Variants in MARCO observed in about 807,000 individuals in gnomAD.
MARCO encodes the protein macrophage receptor MARCO.
A neutral mutation model predicts 70.0 loss-of-function variants in MARCO; 72 were observed. The ratio of observed to expected loss-of-function variants is 1.03; its 90% CI spans 0.85 to 1.25. The LOEUF (loss-of-function observed/expected upper bound fraction) is 1.25, where lower values mean the gene tolerates loss of function less well. Among genes scored for constraint, MARCO ranks in the 50% most tolerant of loss-of-function variants. The pLI is 0.00. For synonymous variants in MARCO, 273 were observed against 243.1 expected, an observed-to-expected ratio of 1.12 and a Z score of -1.14; for missense variants, 696 against 659.3, an observed-to-expected ratio of 1.06 and a Z score of -0.61.
chr2:118,966,104 C>T (rs1438895350), intron 1 of MARCO, among the ~76,000 whole-genome samples: 19 of 151,884 alleles, frequency 1.3e-4, no homozygotes, highest in Non-Finnish European at 1.5e-5. Flanking sequence ...CTGCCTGCTA[C>T]CCCAGGAGGT....
intron 8 of MARCO, among the ~76,000 whole-genome samples, chr2:118,980,764 G>C (rs1680373873): frequency 6.6e-6 from 1 of 152,130 alleles, no homozygotes; most frequent in East Asian, 1.9e-4. Flanking sequence ...GGTCCAGGCA[G>C]TCCACCCCTA....
At chr2:118,962,314 G>T (rs1679964450) in intron 1 of MARCO, among the ~76,000 whole-genome samples, 1 of 152,074 alleles carries the variant, frequency 6.6e-6, no homozygotes, top group Non-Finnish European at 1.5e-5. Context: ...TGGGCAGTAT[G>T]GTCATTTTCA....
chr2:118,969,329 A>C, intron 2 of MARCO, 68 bp downstream of exon 2: 2 of 1,228,360 alleles, frequency 1.6e-6, no homozygotes, highest in South Asian at 1.2e-5. Context: ...GGCCCCTCAG[A>C]TGAAGGGCTC....
In MARCO at chr2:118,977,530, C is replaced by T. The variant is rs372950289; in HGVS notation, c.658+15C>T. 1.9e-6 allele frequency: 3 copies of T among 1,612,764 alleles called. No individual in the cohort carries two copies. On this transcript the variant is annotated intron_variant, in intron 7 of 16. Transcript: ENST00000327097. ...AGGAGCCACTGGTAACTTGTACTTG[C>T]TCTGCTAGGGACAAATGATGCATAG...
intron 1 of MARCO, among the ~76,000 whole-genome samples, chr2:118,953,893 G>C (rs771162254): frequency 6.6e-6 from 1 of 152,170 alleles, no homozygotes; most frequent in Non-Finnish European, 1.5e-5. Context: ...CAGGGGTGGG[G>C]GAAGCAGCAG....
chr2:118,994,242 T>G lies in MARCO; in HGVS notation c.1430-145T>G. On this transcript the variant is annotated intron_variant, in intron 16 of 16. Coordinates refer to ENST00000327097, the MANE Select transcript of MARCO (RefSeq NM_006770.4). The stretch of plus-strand genomic sequence containing the variant: ...CAACAAAAACAGGCTAAGCCAGCCA[T>G]CAGCACATTGGGCCGGAATGGGCCA... The G allele has an allele frequency of 6.1e-6, 5 of 815,764 alleles. No homozygotes were observed. In the South Asian group the frequency reaches 7.8e-5, roughly 13 times the overall value. 50.5% of individuals were successfully genotyped at this position (815,764 alleles called of 1,614,324 possible). A position where few individuals can be genotyped will look rare whatever the true frequency, so the allele number is the denominator to read the frequency against.
At chr2:118,979,903 G>A (rs1033620419) in intron 8 of MARCO, among the ~76,000 whole-genome samples, 1 of 152,144 alleles carries the variant, frequency 6.6e-6, no homozygotes, top group Non-Finnish European at 1.5e-5. Context: ...AAAGTCCCAG[G>A]GGATAAGCCT....
At chr2:118,990,316 G>T (rs1386866089) in intron 12 of MARCO, among the ~76,000 whole-genome samples, 1 of 152,166 alleles carries the variant, frequency 6.6e-6, no homozygotes, top group African/African-American at 2.4e-5. Flanking sequence ...AGGTTACCGG[G>T]GGGCAGGGAA....
rs1338181386 is a variant in MARCO at position 118,961,858 on chromosome 2, C to T, written c.98-7302C>T. ...AGGGTTTTTATAGTTTTGGGTTTTA[C>T]ATTTAAGTCTTTAATCCATCTTGAG... On this transcript the variant is annotated intron_variant, in intron 1 of 16. Transcript: ENST00000327097. Among the ~76,000 whole-genome samples, 4 of 152,160 alleles carry T rather than the reference C, an allele frequency of 2.6e-5. No individual in the cohort carries two copies. In the East Asian group the frequency reaches 7.7e-4, roughly 29 times the overall value.
At chr2:118,951,970 T>C (rs1679730995) in intron 1 of MARCO, among the ~76,000 whole-genome samples, 1 of 152,078 alleles carries the variant, frequency 6.6e-6, no homozygotes, top group East Asian at 1.9e-4. Context: ...TCTCCCAGTT[T>C]CTCTCTCCTC....
intron 1 of MARCO, among the ~76,000 whole-genome samples, chr2:118,963,997 A>G (rs1292958164): frequency 6.6e-6 from 1 of 151,944 alleles, no homozygotes; most frequent in Non-Finnish European, 1.5e-5. Flanking sequence ...TGATTTATTT[A>G]TAGTGTTTTT....
At chr2:118,988,002 C>A (rs1441997108) in intron 12 of MARCO, among the ~76,000 whole-genome samples, 1 of 152,222 alleles carries the variant, frequency 6.6e-6, no homozygotes, top group Non-Finnish European at 1.5e-5. Context: ...ACAGCCCCAA[C>A]TTCCCCCATT....
At chr2:118,964,714 C>G (rs557639263) in intron 1 of MARCO, among the ~76,000 whole-genome samples, 3 of 151,826 alleles carry the variant, frequency 2.0e-5, no homozygotes, top group Admixed American at 2.0e-4. Context: ...ATAGTGAAAC[C>G]CTGTCTCTAC....
At chr2:118,970,527 G>A (rs1243790445) in intron 3 of MARCO, among the ~76,000 whole-genome samples, 189 bp downstream of exon 3, 1 of 152,178 alleles carries the variant, frequency 6.6e-6, no homozygotes, top group Non-Finnish European at 1.5e-5. Flanking sequence ...GTCTGGGAGG[G>A]AGGGTAAAAC....
rs201823074 is a variant in MARCO at position 118,986,536 on chromosome 2, A to AAGAG, written c.1064-4044_1064-4041dup. On this transcript the variant is annotated intron_variant, in intron 12 of 16. Coordinates refer to ENST00000327097, the MANE Select transcript of MARCO (RefSeq NM_006770.4). ...CCCTGTCAAAAAGAAGAAAGAAAGA[A>AAGAG]AGAGAGAGAGAGGAAGGAAGGAAGG... Among the ~76,000 whole-genome samples, 681 of 108,844 alleles carry AAGAG rather than the reference A, an allele frequency of 6.3e-3. 65 individuals carry two copies. The highest frequency in any genetic ancestry group is 0.04 in the African/African-American group (569 of 14,248). 71.4% of individuals were successfully genotyped at this position (108,844 alleles called of 152,430 possible).
intron 4 of MARCO, among the ~76,000 whole-genome samples, chr2:118,973,985 C>G (rs1680225484): frequency 6.6e-6 from 1 of 152,142 alleles, no homozygotes; most frequent in Admixed American, 6.5e-5. Flanking sequence ...CCATGATGGT[C>G]CCCACGTGGT....
intron 2 of MARCO, among the ~76,000 whole-genome samples, chr2:118,969,561 C>T (rs1044122182): frequency 7.9e-5 from 12 of 152,222 alleles, no homozygotes; most frequent in African/African-American, 2.9e-4. Flanking sequence ...ACACTTCTGA[C>T]ATCTAAGACT....
Position 118,982,404 on chromosome 2 carries a change from G to T in MARCO, c.1057G>T (p.Asp353Tyr). Residue 353 changes from aspartate (D) to tyrosine (Y), a missense_variant, in exon 12 of 17, where the codon GAC becomes TAC. Asp to Tyr is a radical substitution (Grantham distance 160). This residue lies in a region of MARCO where 605 missense variants were observed against 537.6 expected (regional missense o/e 1.13). Coordinates refer to ENST00000327097, the MANE Select transcript of MARCO (RefSeq NM_006770.4). ...CACAGGCCTGAAAGGAAGCAAAGGG[G>T]ACACAGGTAACAGAGGGTGCAGTGG... ...GATGLKGSKG[D>Y]TGLQGQQGRK... 1 of 1,614,016 alleles carries T rather than the reference G, an allele frequency of 6.2e-7. No individual in the cohort carries two copies. Among genetic ancestry groups the T allele is most frequent in the Non-Finnish European group, 8.5e-7 (1 of 1,179,928 alleles).
At chr2:118,987,255 C>T (rs1680535290) in intron 12 of MARCO, among the ~76,000 whole-genome samples, 1 of 152,218 alleles carries the variant, frequency 6.6e-6, no homozygotes, top group South Asian at 2.1e-4. Context: ...TTTATTTGCT[C>T]TCCAGCGTAG....
Sources: allele counts gnomAD v4.1 joint callset (sites outside exome capture counted in the v4.1 genomes callset), GRCh38; gene constraint gnomAD v4.1.1; regional missense constraint gnomAD v4.1.1; transcripts MANE v1.5; gene names NCBI Gene and HGNC (gene_info 2026-07-23, HGNC 2026-07-21).